NDST3: variants seen among roughly 807,000 people sequenced by gnomAD.
NDST3 encodes N-deacetylase and N-sulfotransferase 3, also known as bifunctional heparan sulfate N-deacetylase/N-sulfotransferase 3.
NDST3 carries 58 observed loss-of-function variants against 96.1 expected under a neutral mutation model. The observed-to-expected ratio is 0.60, with a 90% CI of 0.49 to 0.75. The LOEUF (loss-of-function observed/expected upper bound fraction) is 0.75, where lower values mean the gene tolerates loss of function less well. Among genes scored for constraint, NDST3 ranks in the 30% least tolerant of loss-of-function variants. NDST3 has a pLI of 0.00. For synonymous variants in NDST3, 333 were observed against 359.7 expected (o/e 0.93, Z 0.84); for missense variants, 788 against 1,034.2 (o/e 0.76, Z 3.27).
chr4:118,058,965 T>C (rs1035702267), intron 2 of NDST3, among the ~76,000 whole-genome samples: 2 of 152,066 alleles, frequency 1.3e-5, no homozygotes, highest in African/African-American at 4.8e-5. Flanking sequence ...ATCTGAGAAG[T>C]CAAATGAGAA....
At chr4:118,055,980 T>C (rs1725403944) in intron 2 of NDST3, among the ~76,000 whole-genome samples, 1 of 151,912 alleles carries the variant, frequency 6.6e-6, no homozygotes, top group Non-Finnish European at 1.5e-5. Flanking sequence ...TTCTTGGCAC[T>C]ATTTTAGTCT....
intron 5 of NDST3, among the ~76,000 whole-genome samples, chr4:118,142,259 A>G (rs1417221363): frequency 6.6e-6 from 1 of 152,024 alleles, no homozygotes; most frequent in African/African-American, 2.4e-5. Context: ...ATAGCTTCTA[A>G]GGATATAACT....
At chr4:118,073,517 T>G (rs921475935) in intron 2 of NDST3, among the ~76,000 whole-genome samples, 1 of 152,152 alleles carries the variant, frequency 6.6e-6, no homozygotes, top group African/African-American at 2.4e-5. Context: ...GATAGAGGTG[T>G]TCATAATAGC....
intron 1 of NDST3, among the ~76,000 whole-genome samples, chr4:118,053,409 T>C (rs982503251): frequency 6.6e-6 from 1 of 152,010 alleles, no homozygotes. Flanking sequence ...ACATAATGTA[T>C]AGCCAGATGG....
intron 2 of NDST3, among the ~76,000 whole-genome samples, chr4:118,080,343 G>A (rs1240230824): frequency 6.6e-6 from 1 of 151,924 alleles, no homozygotes; most frequent in Middle Eastern, 3.2e-3. Context: ...TATAAATCAG[G>A]AACTCAATAG....
At chr4:118,055,358 TATC>T (rs1004712949) in intron 2 of NDST3, 15 of 183,932 alleles carry the variant, frequency 8.2e-5, no homozygotes, top group East Asian at 1.6e-4. Flanking sequence ...CATTTTCTCT[TATC>T]ATATTTTTCT....
At chr4:118,177,131 TAAA>T (rs545504980) in intron 6 of NDST3, among the ~76,000 whole-genome samples, 1 of 151,830 alleles carries the variant, frequency 6.6e-6, no homozygotes, top group Non-Finnish European at 1.5e-5. Flanking sequence ...TCTTAACTAT[TAAA>T]AAAATAGGGA....
intron 6 of NDST3, among the ~76,000 whole-genome samples, chr4:118,207,840 A>G (rs1738529219): frequency 6.9e-6 from 1 of 144,530 alleles, no homozygotes; most frequent in Admixed American, 6.9e-5. Flanking sequence ...TTTTTAGAAA[A>G]TTTTCTTTAA....
intron 1 of NDST3, among the ~76,000 whole-genome samples, chr4:118,039,331 T>C (rs1724318639): frequency 6.6e-6 from 1 of 152,198 alleles, no homozygotes; most frequent in Non-Finnish European, 1.5e-5. Flanking sequence ...AAGGTAGCTG[T>C]TCATAGAAGA....
intron 4 of NDST3, among the ~76,000 whole-genome samples, chr4:118,119,350 T>G (rs1386678280): frequency 1.3e-5 from 2 of 152,346 alleles, no homozygotes; most frequent in East Asian, 3.9e-4. Context: ...AATCTTTTAA[T>G]TAGTTTGCTT....
intron 5 of NDST3, 89 bp downstream of exon 5, chr4:118,138,328 C>A: frequency 8.4e-7 from 1 of 1,194,908 alleles, no homozygotes; most frequent in Non-Finnish European, 1.2e-6. Context: ...ATGTTAGCAG[C>A]ATAAATGTAG....
intron 2 of NDST3, among the ~76,000 whole-genome samples, chr4:118,073,817 C>G (rs1578584266): frequency 6.6e-6 from 1 of 152,010 alleles, no homozygotes; most frequent in East Asian, 1.9e-4. Flanking sequence ...TATTGTTTTT[C>G]CAGTTCATCT....
intron 6 of NDST3, among the ~76,000 whole-genome samples, chr4:118,188,098 C>T (rs1737083522): frequency 6.6e-6 from 1 of 151,942 alleles, no homozygotes; most frequent in Non-Finnish European, 1.5e-5. Context: ...AACCAGAAAA[C>T]ATACATTGAA....
intron 6 of NDST3, among the ~76,000 whole-genome samples, chr4:118,209,139 G>A (rs778252995): frequency 5.3e-5 from 8 of 152,134 alleles, no homozygotes; most frequent in Non-Finnish European, 1.0e-4. Flanking sequence ...ATTATATTGT[G>A]GAGGGAGTGA....
chr4:118,201,292 T>C (rs1001300450), intron 6 of NDST3, among the ~76,000 whole-genome samples: 2 of 152,242 alleles, frequency 1.3e-5, no homozygotes, highest in Admixed American at 1.3e-4. Context: ...TTCTTCTGGG[T>C]GTAAACCTAG....
intron 6 of NDST3, among the ~76,000 whole-genome samples, chr4:118,164,318 C>T (rs143414433): frequency 2.4e-4 from 37 of 152,132 alleles, no homozygotes; most frequent in African/African-American, 7.0e-4. Flanking sequence ...AAGAGGGGAA[C>T]AACAGACACT....
In NDST3 at chr4:118,076,840, C is replaced by G. The variant is rs1202863373; in HGVS notation, c.981+21949C>G. Among the ~76,000 whole-genome samples, 3 of 152,284 alleles carry G rather than the reference C, an allele frequency of 2.0e-5. No individual in the cohort carries two copies. In the East Asian group the frequency reaches 5.8e-4, roughly 29 times the overall value. On this transcript the variant is annotated intron_variant, in intron 2 of 13. Transcript: ENST00000296499. ...GTTAAGAACCATTTCCGGAAAACTACTTCAGTCGTTTTGAGGTAAGAGGGC... is the reference window on the plus strand; with the variant it reads ...GTTAAGAACCATTTCCGGAAAACTAGTTCAGTCGTTTTGAGGTAAGAGGGC...
chr4:118,104,899 T>C (rs2125850297), intron 2 of NDST3, 119 bp from the exon 3 acceptor site: 1 of 680,796 alleles, frequency 1.5e-6, no homozygotes, highest in East Asian at 2.7e-5. Context: ...TTTTCCACCA[T>C]TTAATTCTCA....
intron 12 of NDST3, among the ~76,000 whole-genome samples, chr4:118,247,980 T>C (rs545407110): frequency 2.0e-5 from 3 of 152,328 alleles, no homozygotes; most frequent in Non-Finnish European, 2.9e-5. Flanking sequence ...AGACATACTT[T>C]AGTCTTCTAA....
Sources: allele counts gnomAD v4.1 joint callset (sites outside exome capture counted in the v4.1 genomes callset), GRCh38; gene constraint gnomAD v4.1.1; transcripts MANE v1.5; gene names NCBI Gene and HGNC (gene_info 2026-07-23, HGNC 2026-07-21).